ANKRD31: variants seen among roughly 807,000 people sequenced by gnomAD.
ANKRD31 encodes the protein ankyrin repeat domain-containing protein 31.
ANKRD31 carries 147 observed loss-of-function variants against 186.0 expected under a neutral mutation model. The ratio of observed to expected loss-of-function variants is 0.79; its 90% CI spans 0.69 to 0.91. The LOEUF (loss-of-function observed/expected upper bound fraction) is 0.91. ANKRD31 is among the 40% of genes least tolerant of loss of function. The pLI is 0.00. For missense variants in ANKRD31, 1,986 were observed against 2,148.8 expected (o/e 0.92, Z 1.50); for synonymous variants, 673 against 736.4 (o/e 0.91, Z 1.39).
chr5:75,155,309 T>G (rs1752092141), intron 11 of ANKRD31, among the ~76,000 whole-genome samples: 1 of 152,100 alleles, frequency 6.6e-6, no homozygotes, highest in Admixed American at 6.6e-5. Flanking sequence ...ACATATTTTC[T>G]TACACAAATG....
At chr5:75,133,787 T>C (rs9678746) in intron 17 of ANKRD31, among the ~76,000 whole-genome samples, 3 of 152,102 alleles carry the variant, frequency 2.0e-5, no homozygotes, top group Non-Finnish European at 4.4e-5. Context: ...TCAGCAAATA[T>C]AAAAGAACGG....
rs760356990 is a variant in ANKRD31, at chr5:75,107,639, G to A, written c.4244-22C>T. 22 of 1,420,438 alleles carry A rather than the reference G, an allele frequency of 1.5e-5. 1 individual carries two copies. In the African/African-American group the frequency reaches 2.9e-4, roughly 19 times the overall value. 88.0% of individuals were successfully genotyped at this position (1,420,438 alleles called of 1,614,324 possible). A position where few individuals can be genotyped will look rare whatever the true frequency, so the allele number is the denominator to read the frequency against. ...TGTTCTAGAAACATGACAATAAAAA[G>A]TTAGCTAACTGAGGGAGAGTGAATG... On this transcript the variant is annotated intron_variant, in intron 20 of 25. Transcript: ENST00000506364.
chr5:75,230,636 C>G lies in ANKRD31; in HGVS notation c.105-1G>C, dbSNP rs1422772126. 2.0e-6 allele frequency: 3 copies of G among 1,524,550 alleles called. No individual in the cohort carries two copies. Among genetic ancestry groups the G allele is most frequent in the Non-Finnish European group, 2.6e-6 (3 of 1,144,622 alleles). The allele number at this position is 1,524,550 out of a possible 1,614,324, so 94.4% of individuals were successfully genotyped here. On this transcript the variant is annotated splice_acceptor_variant, in intron 1 of 25. Transcript: ENST00000506364. LOFTEE classifies it high-confidence loss of function. ...AGATGCGTCTTGATCAAACAGCAAC[C>G]TTTCAAATACCAAAAGGGAAGGCAC...
intron 9 of ANKRD31, among the ~76,000 whole-genome samples, chr5:75,190,205 G>A (rs35880307): frequency 6.6e-6 from 1 of 151,902 alleles, no homozygotes; most frequent in East Asian, 1.9e-4. Context: ...ATTTTTCATA[G>A]AGACAGGGTT....
chr5:75,167,337 G>A (rs537290583), intron 11 of ANKRD31, among the ~76,000 whole-genome samples: 6 of 152,322 alleles, frequency 3.9e-5, no homozygotes, highest in African/African-American at 1.4e-4. Flanking sequence ...GACCAGCATT[G>A]GGTTCCCAAG....
chr5:75,210,982 G>T, intron 3 of ANKRD31, 117 bp from the exon 4 acceptor site: 2 of 666,136 alleles, frequency 3.0e-6, no homozygotes, highest in African/African-American at 1.9e-5. Context: ...TCTTTTTATG[G>T]TGGTAAAATA....
chr5:75,125,644 T>C (rs1245204581), intron 17 of ANKRD31, among the ~76,000 whole-genome samples: 1 of 152,148 alleles, frequency 6.6e-6, no homozygotes, highest in Admixed American at 6.5e-5. Context: ...GACTTTAATA[T>C]ACAAAAAAAG....
chr5:75,099,217 A>G (rs1746598267), intron 22 of ANKRD31, among the ~76,000 whole-genome samples: 1 of 152,150 alleles, frequency 6.6e-6, no homozygotes, highest in Non-Finnish European at 1.5e-5. Flanking sequence ...GGTTCTGTTT[A>G]TATGATGGAT....
intron 11 of ANKRD31, among the ~76,000 whole-genome samples, chr5:75,162,580 T>C (rs1393902671): frequency 6.6e-6 from 1 of 152,174 alleles, no homozygotes; most frequent in Non-Finnish European, 1.5e-5. Context: ...TCATTGGTCT[T>C]GAAATGTGAG....
intron 10 of ANKRD31, among the ~76,000 whole-genome samples, chr5:75,179,490 A>C (rs916604556): frequency 6.6e-6 from 1 of 152,218 alleles, no homozygotes; most frequent in African/African-American, 2.4e-5. Context: ...CCTCAATAAA[A>C]TACTGGCAAA....
intron 3 of ANKRD31, among the ~76,000 whole-genome samples, chr5:75,216,252 G>A (rs1367184291): frequency 6.6e-6 from 1 of 152,104 alleles, no homozygotes; most frequent in Non-Finnish European, 1.5e-5. Flanking sequence ...CAAGCTGACT[G>A]AATATTAGAA....
chr5:75,181,973 TATA>T (rs1024557757), intron 10 of ANKRD31, among the ~76,000 whole-genome samples: 53 of 152,228 alleles, frequency 3.5e-4, no homozygotes, highest in African/African-American at 1.2e-3. Flanking sequence ...CACTGTTGTC[TATA>T]ATTTCTCTGA....
At chr5:75,161,040 A>C (rs1316412515) in intron 11 of ANKRD31, among the ~76,000 whole-genome samples, 1 of 152,150 alleles carries the variant, frequency 6.6e-6, no homozygotes, top group Admixed American at 6.5e-5. Context: ...TAAAACAGTA[A>C]ATTGGTACCA....
rs1466704659 is a variant in ANKRD31 at position 75,112,497 on chromosome 5, A to G, written c.4243+16T>C. The G allele has an allele frequency of 2.1e-6, 3 of 1,419,568 alleles. No homozygotes were observed. Among genetic ancestry groups the G allele is most frequent in the East Asian group, 5.0e-5 (2 of 39,856 alleles). 87.9% of individuals were successfully genotyped at this position (1,419,568 alleles called of 1,614,324 possible). Reference sequence around the variant, plus strand: ...GTATCTGAAAATATCATACTTGAGTATGAGTCTATATTTACCTGCATCTTC... The same window carrying G: ...GTATCTGAAAATATCATACTTGAGTGTGAGTCTATATTTACCTGCATCTTC... On this transcript the variant is annotated intron_variant, in intron 20 of 25. Transcript: ENST00000506364.
At chr5:75,109,316 T>C (rs549589481) in intron 20 of ANKRD31, among the ~76,000 whole-genome samples, 2 of 152,266 alleles carry the variant, frequency 1.3e-5, no homozygotes, top group Admixed American at 6.5e-5. Context: ...GAAAAGTGAG[T>C]GCAAGGTCTC....
At chr5:75,164,636 T>C (rs1284852203) in intron 11 of ANKRD31, among the ~76,000 whole-genome samples, 1 of 152,214 alleles carries the variant, frequency 6.6e-6, no homozygotes, top group African/African-American at 2.4e-5. Flanking sequence ...ACCAACTGGA[T>C]TTCCAGAAGA....
chr5:75,231,735 A>G (rs746971629), intron 1 of ANKRD31, among the ~76,000 whole-genome samples: 6 of 152,236 alleles, frequency 3.9e-5, no homozygotes, highest in Non-Finnish European at 5.9e-5. Flanking sequence ...ATGGCTGTTT[A>G]TGAAAAATGA....
chr5:75,193,253 T>A lies in ANKRD31; in HGVS notation c.1298+58A>T, dbSNP rs765284699. The A allele has an allele frequency of 1.5e-5, 22 of 1,479,426 alleles. No individual in the cohort carries two copies. The East Asian group carries it at 4.7e-4, about 32-fold the overall frequency. 91.6% of individuals were successfully genotyped at this position (1,479,426 alleles called of 1,614,324 possible). On this transcript the variant is annotated intron_variant, in intron 8 of 25. Transcript: ENST00000506364. ...ACTGACCCTGATGTCCCCAAGCATA[T>A]AATTATCTATAATGTCTATAGCATA...
chr5:75,228,109 C>A (rs897466591), intron 2 of ANKRD31, among the ~76,000 whole-genome samples: 1 of 152,166 alleles, frequency 6.6e-6, no homozygotes, highest in East Asian at 1.9e-4. Flanking sequence ...ATATTGCATT[C>A]TTTTGTTTTA....
Sources: gnomAD v4.1 joint callset for allele counts (sites outside exome capture counted in the v4.1 genomes callset) on GRCh38, gnomAD v4.1.1 for gene constraint, MANE v1.5 for transcripts, NCBI Gene and HGNC (gene_info 2026-07-23, HGNC 2026-07-21) for gene names.